The following VMA21 variants were observed in gnomAD, a reference collection of about 807,000 sequenced individuals.
VMA21 encodes vacuolar ATPase assembly factor VMA21, also known as vacuolar ATPase assembly integral membrane protein VMA21.
For synonymous variants in VMA21, 47 were observed against 34.1 expected (o/e 1.38, Z -1.32); for missense variants, 61 against 80.6 (o/e 0.76, Z 0.93).
At position 151,404,983 on chromosome X, in the gene VMA21, T is replaced by C. The variant is rs1440449167; in HGVS notation, c.231T>C (p.His77=). The C allele has an allele frequency of 1.2e-5, 15 of 1,211,056 alleles. No homozygotes were observed. The highest frequency in any genetic ancestry group is 1.7e-5 in the Non-Finnish European group (15 of 895,225). Residue 77 remains histidine (H), a synonymous_variant, in exon 3 of 3, where the codon CAT becomes CAC. Transcript: ENST00000330374. ...CTATTGTTGCAGTGGTCGCCGTCCA[T>C]GTGGTGCTGGCCCTCTTTGTGTATG... ...YAAIVAVVAV[H]VVLALFVYVA...
At chrX:151,397,018 G>A (rs1256787537), upstream of VMA21, 1 of 508,247 alleles carries the variant, frequency 2.0e-6, no homozygotes, top group South Asian at 2.5e-5. Flanking sequence ...CTCGAGCACA[G>A]GCCCCTCCTG....
At chrX:151,401,920 A>G (rs1367761715) in intron 1 of VMA21, among the ~76,000 whole-genome samples, 2 of 110,109 alleles carry the variant, frequency 1.8e-5, no homozygotes, top group African/African-American at 6.6e-5. Context: ...CGAATTATCA[A>G]AATTTTTTTT....
intron 2 of VMA21, among the ~76,000 whole-genome samples, chrX:151,404,605 A>G (rs1343696146): frequency 9.1e-6 from 1 of 109,520 alleles, no homozygotes; most frequent in Non-Finnish European, 1.9e-5. Context: ...TATTTTTAGT[A>G]GAGACGGGGT....
upstream of VMA21, chrX:151,397,195 C>A (rs369991): frequency 2.3e-6 from 2 of 887,892 alleles, no homozygotes; most frequent in Non-Finnish European, 3.0e-6. Context: ...GCACTTCCGG[C>A]GCGAACCGCT....
At position 151,408,901 on chromosome X, in the gene VMA21, T is replaced by C. The variant is rs1293054747; in HGVS notation, c.*3843T>C. On this transcript the variant is annotated 3_prime_UTR_variant, in exon 3 of 3. Coordinates refer to ENST00000330374, the MANE Select transcript of VMA21 (RefSeq NM_001017980.4). ...TCCTTTTAAGATGTTCTGTAAGTCATATTTGTCAGTTATACAGAGTAGTCT... is the reference window on the plus strand; with the variant it reads ...TCCTTTTAAGATGTTCTGTAAGTCACATTTGTCAGTTATACAGAGTAGTCT... The C allele has an allele frequency of 1.8e-5, 2 of 112,824 alleles. No homozygotes were observed. Among genetic ancestry groups the C allele is most frequent in the African/African-American group, 6.5e-5 (2 of 30,930 alleles). 9.3% of individuals were successfully genotyped at this position (112,824 alleles called of 1,213,427 possible).
chrX:151,402,693 G>A (rs983165680), intron 1 of VMA21, among the ~76,000 whole-genome samples: 1 of 112,876 alleles, frequency 8.9e-6, no homozygotes, highest in African/African-American at 3.2e-5. Flanking sequence ...AGGGCGCACT[G>A]GTCCGTTCGC....
At chrX:151,404,183 C>T (rs1005497062) in intron 2 of VMA21, among the ~76,000 whole-genome samples, 7 of 108,994 alleles carry the variant, frequency 6.4e-5, no homozygotes, top group African/African-American at 2.0e-4. Context: ...AAGCGATTCT[C>T]CTGTCTCAGC....
Position 151,403,451 on chromosome X carries a change from A to G in VMA21, c.54-180A>G, listed in dbSNP as rs181082974. ...AGGTGGTGTATAATCTTCATGTTCC[A>G]GCTCAAGAAATTCCCACTACCCACA... On this transcript the variant is annotated intron_variant, in intron 1 of 2. Transcript: ENST00000330374. 2.0e-4 allele frequency among the ~76,000 whole-genome samples: 23 copies of G among 112,799 alleles called. No homozygotes were observed. The East Asian group carries it at 5.6e-3, about 27-fold the overall frequency.
At position 151,408,912 on chromosome X, in the gene VMA21, T is replaced by C. The variant is rs1351313860; in HGVS notation, c.*3854T>C. On this transcript the variant is annotated 3_prime_UTR_variant, in exon 3 of 3. Coordinates refer to ENST00000330374, the MANE Select transcript of VMA21 (RefSeq NM_001017980.4). ...TGTTCTGTAAGTCATATTTGTCAGT[T>C]ATACAGAGTAGTCTTCCTTTTCCCC... 8.9e-6 allele frequency: 1 copy of C among 112,867 alleles called. No homozygotes were observed. 9.3% of individuals were successfully genotyped at this position (112,867 alleles called of 1,213,427 possible). A position where few individuals can be genotyped will look rare whatever the true frequency, so the allele number is the denominator to read the frequency against.
At chrX:151,400,938 C>T (rs1193888825) in intron 1 of VMA21, among the ~76,000 whole-genome samples, 5 of 112,045 alleles carry the variant, frequency 4.5e-5, no homozygotes, top group Non-Finnish European at 7.5e-5. Flanking sequence ...GGGTATTAAC[C>T]CCTTACAAGA....
intron 1 of VMA21, among the ~76,000 whole-genome samples, chrX:151,399,343 G>A (rs962764464): frequency 9.0e-6 from 1 of 111,697 alleles, no homozygotes; most frequent in African/African-American, 3.3e-5. Flanking sequence ...ACATTTTTAT[G>A]GTGTTATATC....
intron 2 of VMA21, 72 bp downstream of exon 2, chrX:151,403,812 AT>A: frequency 2.7e-6 from 2 of 749,627 alleles, no homozygotes; most frequent in Non-Finnish European, 4.1e-6. Context: ...ACCTCTTTAT[AT>A]CTTTAAACTG....
chrX:151,408,408 A>G lies in VMA21; in HGVS notation c.*3350A>G, dbSNP rs1339179426. The G allele has an allele frequency of 8.9e-6, 1 of 112,321 alleles. No homozygotes were observed. The highest frequency in any genetic ancestry group is 1.9e-5 in the Non-Finnish European group (1 of 53,285). The allele number at this position is 112,321 out of a possible 1,213,427, so 9.3% of individuals were successfully genotyped here. A position where few individuals can be genotyped will look rare whatever the true frequency, so the allele number is the denominator to read the frequency against. ...AAAAAGGATTTAAATCCGATTTTAG[A>G]TGTACCTAGTGTGTATTTCTTATCT... On this transcript the variant is annotated 3_prime_UTR_variant, in exon 3 of 3. Coordinates refer to ENST00000330374, the MANE Select transcript of VMA21 (RefSeq NM_001017980.4).
chrX:151,398,720 G>A (rs1005441120), intron 1 of VMA21, among the ~76,000 whole-genome samples: 8 of 111,821 alleles, frequency 7.2e-5, no homozygotes, highest in African/African-American at 2.3e-4. Flanking sequence ...CTTGACTGTG[G>A]GAGAAAGAAT....
chrX:151,397,064 CAT>C (rs1314096608), upstream of VMA21: 1 of 471,601 alleles, frequency 2.1e-6, no homozygotes, highest in Admixed American at 3.1e-5. Flanking sequence ...GCCGGTAAGT[CAT>C]GTGAGCGCCC....
chrX:151,406,045 T>C lies in VMA21; in HGVS notation c.*987T>C, dbSNP rs2124127846. On this transcript the variant is annotated 3_prime_UTR_variant, in exon 3 of 3. Coordinates refer to ENST00000330374, the MANE Select transcript of VMA21 (RefSeq NM_001017980.4). ...CTTTAGTCTGTGTTCTTTCTAGTTA[T>C]TTGGTACTAATTATGTGCAATCTAA... The C allele has an allele frequency of 9.0e-6, 1 of 111,674 alleles. No individual in the cohort carries two copies. Among genetic ancestry groups the C allele is most frequent in the African/African-American group, 3.3e-5 (1 of 30,756 alleles). 9.2% of individuals were successfully genotyped at this position (111,674 alleles called of 1,213,427 possible).
chrX:151,396,850 C>A (rs1244180670), upstream of VMA21: 4 of 519,858 alleles, frequency 7.7e-6, no homozygotes, highest in Non-Finnish European at 1.4e-5. Context: ...ATGCTCGGGT[C>A]TCCTTGCGGC....
At position 151,406,545 on chromosome X, in the gene VMA21, T is replaced by C. The variant is rs2011294541; in HGVS notation, c.*1487T>C. On this transcript the variant is annotated 3_prime_UTR_variant, in exon 3 of 3. Coordinates refer to ENST00000330374, the MANE Select transcript of VMA21 (RefSeq NM_001017980.4). ...TGCCTGCCACCACGCCTGGCTAATT[T>C]TTTTTTGTATTTTTTTGTAGAGACG... 9.1e-6 allele frequency: 1 copy of C among 109,902 alleles called. No individual in the cohort carries two copies. Among genetic ancestry groups the C allele is most frequent in the African/African-American group, 3.3e-5 (1 of 30,113 alleles). The allele number at this position is 109,902 out of a possible 1,213,427, so 9.1% of individuals were successfully genotyped here.
At chrX:151,404,715 C>G (rs755198836) in intron 2 of VMA21, among the ~76,000 whole-genome samples, 1 of 112,133 alleles carries the variant, frequency 8.9e-6, no homozygotes, top group African/African-American at 3.2e-5. Flanking sequence ...CCACTGCACC[C>G]GGCCAACATA....
Sources: gnomAD v4.1 joint callset for allele counts (sites outside exome capture counted in the v4.1 genomes callset) on GRCh38, gnomAD v4.1.1 for gene constraint, MANE v1.5 for transcripts, NCBI Gene and HGNC (gene_info 2026-07-23, HGNC 2026-07-21) for gene names.